The following MBNL1 variants were observed in gnomAD, a reference collection of about 807,000 sequenced individuals.
MBNL1 encodes the protein muscleblind like splicing regulator 1.
A neutral mutation model predicts 42.2 loss-of-function variants in MBNL1; 8 were observed. The ratio of observed to expected loss-of-function variants is 0.19; its 90% CI spans 0.11 to 0.34. The LOEUF is 0.34. Among genes scored for constraint, MBNL1 ranks in the 10% least tolerant of loss-of-function variants. MBNL1 has a pLI of 1.00. For synonymous variants in MBNL1, 169 were observed against 173.9 expected (o/e 0.97, Z 0.22); for missense variants, 309 against 495.3 (o/e 0.62, Z 3.57).
At chr3:152,405,555 G>A (rs151129229) in intron 2 of MBNL1, among the ~76,000 whole-genome samples, 83 of 152,276 alleles carry the variant, frequency 5.5e-4, no homozygotes, top group African/African-American at 1.5e-3. Flanking sequence ...CTTTGTAAAT[G>A]TACTAGGAAC....
intron 1 of MBNL1, among the ~76,000 whole-genome samples, chr3:152,285,785 G>A (rs914703990): frequency 2.0e-5 from 3 of 151,732 alleles, no homozygotes; most frequent in Non-Finnish European, 4.4e-5. Context: ...ACCATGCCTG[G>A]CTAATTTTTG....
chr3:152,248,545 A>G (rs2033706960), intron 2 of MBNL1, among the ~76,000 whole-genome samples: 1 of 151,924 alleles, frequency 6.6e-6, no homozygotes, highest in South Asian at 2.1e-4. Context: ...TAAGTCACAC[A>G]TAACAAGGGC....
intron 2 of MBNL1, among the ~76,000 whole-genome samples, chr3:152,257,234 T>C (rs2035577324): frequency 6.6e-6 from 1 of 152,192 alleles, no homozygotes; most frequent in South Asian, 2.1e-4. Context: ...CTTCCTGACC[T>C]GGGCATATTA....
At chr3:152,277,143 T>C (rs1054778979) in intron 1 of MBNL1, among the ~76,000 whole-genome samples, 1 of 152,222 alleles carries the variant, frequency 6.6e-6, no homozygotes, top group South Asian at 2.1e-4. Context: ...GGATTATAAC[T>C]TAAGTAGAAG....
chr3:152,287,167 A>T (rs1312248035), intron 1 of MBNL1, among the ~76,000 whole-genome samples: 1 of 151,042 alleles, frequency 6.6e-6, no homozygotes, highest in Non-Finnish European at 1.5e-5. Flanking sequence ...GTGAGCCGAG[A>T]TCACACCACT....
rs202238323 is a variant in MBNL1, at chr3:152,431,905, AATAGAAACAATCCTTAT to A, written c.346-808_346-792del. On this transcript the variant is annotated intron_variant, in intron 3 of 9. Coordinates refer to ENST00000324210, the MANE Select transcript of MBNL1 (RefSeq NM_021038.5). Reference sequence around the variant, plus strand: ...TGATATGCAAGTTTGCATATCAACAAATAGAAACAATCCTTATATATCCACGAAAGCATTTCTGGAAG... The same window carrying A: ...TGATATGCAAGTTTGCATATCAACAAATATCCACGAAAGCATTTCTGGAAG... Among the ~76,000 whole-genome samples, 1,217 of 152,378 alleles carry A rather than the reference AATAGAAACAATCCTTAT, an allele frequency of 8.0e-3. 3 individuals are homozygous for A. Among genetic ancestry groups the A allele is most frequent in the Non-Finnish European group, 0.013 (905 of 68,038 alleles).
At chr3:152,373,122 C>T (rs1157414896) in intron 2 of MBNL1, among the ~76,000 whole-genome samples, 1 of 152,054 alleles carries the variant, frequency 6.6e-6, no homozygotes, top group African/African-American at 2.4e-5. Flanking sequence ...CCTACTCAAG[C>T]CTCAGTAATG....
At chr3:152,280,616 ATCAG>A (rs906486278) in intron 1 of MBNL1, among the ~76,000 whole-genome samples, 8 of 152,150 alleles carry the variant, frequency 5.3e-5, no homozygotes, top group Non-Finnish European at 1.2e-4. Context: ...GAAAAGAAAA[ATCAG>A]TCAGAGAGAG....
intron 3 of MBNL1, among the ~76,000 whole-genome samples, chr3:152,423,648 CA>C (rs1342169111): frequency 6.6e-6 from 1 of 152,152 alleles, no homozygotes. Flanking sequence ...AATTTCAGGC[CA>C]ATATCCCTGG....
intron 6 of MBNL1, 27 bp downstream of exon 6, chr3:152,447,800 G>A (rs1228719925): frequency 1.9e-6 from 3 of 1,605,946 alleles, no homozygotes; most frequent in Middle Eastern, 1.7e-4. Context: ...CTTAATAAAT[G>A]AATCTGATGA....
At chr3:152,337,546 A>C (rs2091161145) in intron 2 of MBNL1, among the ~76,000 whole-genome samples, 1 of 149,870 alleles carries the variant, frequency 6.7e-6, no homozygotes, top group South Asian at 2.1e-4. Context: ...CAAACCCGGG[A>C]GGTGGAGGTT....
intron 2 of MBNL1, among the ~76,000 whole-genome samples, chr3:152,247,846 AT>A (rs2033492735): frequency 6.6e-6 from 1 of 152,046 alleles, no homozygotes; most frequent in Middle Eastern, 3.2e-3. Context: ...CCAAATTTAA[AT>A]AAAAATGTCA....
intron 1 of MBNL1, among the ~76,000 whole-genome samples, chr3:152,291,469 T>A (rs953674933): frequency 2.6e-5 from 4 of 152,236 alleles, no homozygotes; most frequent in Admixed American, 6.5e-5. Flanking sequence ...TTTCATTCAC[T>A]TATAAAGGTG....
intron 2 of MBNL1, among the ~76,000 whole-genome samples, chr3:152,251,365 A>G (rs1225176083): frequency 1.3e-5 from 2 of 152,158 alleles, no homozygotes; most frequent in Non-Finnish European, 2.9e-5. Context: ...TAATGGATCA[A>G]TTGAACTAAT....
At chr3:152,310,344 A>G (rs1553802527) in intron 2 of MBNL1, among the ~76,000 whole-genome samples, 1 of 152,224 alleles carries the variant, frequency 6.6e-6, no homozygotes, top group Non-Finnish European at 1.5e-5. Flanking sequence ...AGCTAAGAAC[A>G]ATTAACCCTT....
At chr3:152,309,434 A>T (rs556422519) in intron 2 of MBNL1, among the ~76,000 whole-genome samples, 1 of 152,228 alleles carries the variant, frequency 6.6e-6, no homozygotes, top group Admixed American at 6.5e-5. Context: ...CAGACCTCAT[A>T]TGAGTACAGT....
At chr3:152,418,866 G>C (rs571021660) in intron 3 of MBNL1, among the ~76,000 whole-genome samples, 1 of 151,772 alleles carries the variant, frequency 6.6e-6, no homozygotes, top group African/African-American at 2.4e-5. Flanking sequence ...ACAGGCGCCC[G>C]CCCCCGTGCC....
At chr3:152,369,367 A>T (rs2096563922) in intron 2 of MBNL1, among the ~76,000 whole-genome samples, 1 of 152,122 alleles carries the variant, frequency 6.6e-6, no homozygotes, top group African/African-American at 2.4e-5. Context: ...AGCTGACTTG[A>T]TTGTGGTGGA....
upstream of MBNL1, chr3:152,265,385 A>AGTGTGT (rs1218735494): frequency 9.0e-6 from 1 of 110,880 alleles, no homozygotes; most frequent in Non-Finnish European, 1.9e-5. Context: ...TGTTTGTGTG[A>AGTGTGT]GAGTGTGTGT....
Sources: allele counts gnomAD v4.1 joint callset (sites outside exome capture counted in the v4.1 genomes callset), GRCh38; gene constraint gnomAD v4.1.1; transcripts MANE v1.5; gene names NCBI Gene and HGNC (gene_info 2026-07-23, HGNC 2026-07-21).